Variants in SLC27A4 observed in about 807,000 individuals in gnomAD.
SLC27A4 encodes the protein solute carrier family 27 member 4.
SLC27A4 carries 33 observed loss-of-function variants against 64.4 expected under a neutral mutation model. That is an observed-to-expected ratio of 0.51 (90% CI 0.39 to 0.68). SLC27A4 has a LOEUF of 0.68. Ranked by LOEUF, SLC27A4 falls within the 30% of genes least tolerant of loss-of-function variation. The pLI is 0.00. For synonymous variants in SLC27A4, 377 were observed against 370.0 expected (o/e 1.02, Z -0.22); for missense variants, 824 against 883.5 (o/e 0.93, Z 0.85).
rs374100993 is a variant in SLC27A4 at position 128,343,190 on chromosome 9, C to T, written c.58C>T (p.Leu20=). ...VLLFSKLVLK[L]PWTQVGFSLL... ...GCTGTTCTCCAAGCTGGTGCTGAAACTGCCCTGGACCCAGGTGGGATTCTC... is the reference window on the plus strand; with the variant it reads ...GCTGTTCTCCAAGCTGGTGCTGAAATTGCCCTGGACCCAGGTGGGATTCTC... The change falls in exon 2 of 13, where the codon CTG becomes TTG. Residue 20 remains leucine, a synonymous_variant. Coordinates refer to ENST00000300456, the MANE Select transcript of SLC27A4 (RefSeq NM_005094.4). The T allele has an allele frequency of 2.5e-6, 4 of 1,614,062 alleles. No homozygotes were observed. In the African/African-American group the frequency reaches 5.3e-5, roughly 22 times the overall value.
At chr9:128,349,451 A>G (rs956454024) in intron 4 of SLC27A4, among the ~76,000 whole-genome samples, 1 of 152,158 alleles carries the variant, frequency 6.6e-6, no homozygotes, top group African/African-American at 2.4e-5. Flanking sequence ...AAAAAAATAC[A>G]GTGGGGCCAG....
At chr9:128,355,885 G>A in intron 12 of SLC27A4, 89 bp downstream of exon 12, 2 of 1,561,020 alleles carry the variant, frequency 1.3e-6, no homozygotes. Flanking sequence ...CTTGACCTCT[G>A]CACACAGCCT....
intron 12 of SLC27A4, among the ~76,000 whole-genome samples, chr9:128,358,304 G>A (rs1471088245): frequency 6.6e-6 from 1 of 152,192 alleles, no homozygotes; most frequent in Non-Finnish European, 1.5e-5. Context: ...CGATGGAAAT[G>A]TTCTAGGTTT....
Position 128,340,681 on chromosome 9 carries a change from C to T in SLC27A4, c.-164C>T. On this transcript the variant is annotated 5_prime_UTR_variant, in exon 1 of 13. Transcript: ENST00000300456. ...GGGCGGGGCCGGGCGGCGGGCGGGG[C>T]TGGCGGGGCGGCCGGGCCATGCAGG... 2 of 378,794 alleles carry T rather than the reference C, an allele frequency of 5.3e-6. No individual in the cohort carries two copies. 23.5% of individuals were successfully genotyped at this position (378,794 alleles called of 1,614,324 possible).
rs927782287 is a variant in SLC27A4, at chr9:128,343,441, G to C, written c.161+148G>C. ...GAACAGCAGCCTCTGCTCCACACCC[G>C]TACCCTGGCAATAGTACCTGGTCCC... On this transcript the variant is annotated intron_variant, in intron 2 of 12. Transcript: ENST00000300456. The C allele has an allele frequency of 4.5e-6, 4 of 889,866 alleles. No homozygotes were observed. In the African/African-American group the frequency reaches 6.6e-5, roughly 15 times the overall value. The allele number at this position is 889,866 out of a possible 1,614,324, so 55.1% of individuals were successfully genotyped here. A position where few individuals can be genotyped will look rare whatever the true frequency, so the allele number is the denominator to read the frequency against.
intron 7 of SLC27A4, 96 bp from the exon 8 acceptor site, chr9:128,352,929 A>G (rs192413607): frequency 3.3e-6 from 4 of 1,218,538 alleles, no homozygotes; most frequent in Non-Finnish European, 4.8e-6. Context: ...TGGCATGGCC[A>G]GCCCCTGGGG....
Position 128,345,162 on chromosome 9 carries a change from C to G in SLC27A4, c.169C>G (p.Leu57Val), listed in dbSNP as rs754345934. Residue 57 changes from leucine (L) to valine (V), a missense_variant, in exon 3 of 13, where the codon CTG becomes GTG. Physicochemically the swap from Leu to Val is conservative, Grantham distance 32. Transcript: ENST00000300456. This position sits in a 1 kb window ranked among gnomAD's most constrained non-coding sequence, Gnocchi z 4.1. The stretch of plus-strand genomic sequence containing the variant: ...TCTCTTGTTCACACACAGTGGCGGC[C>G]TGGTCCTCCTGAAGGTGAAGGCAAA... ...KTIRRDIFGG[L>V]VLLKVKAKVR... 6.2e-7 allele frequency: 1 copy of G among 1,613,250 alleles called. No homozygotes were observed. The highest frequency in any genetic ancestry group is 8.5e-7 in the Non-Finnish European group (1 of 1,180,026).
intron 1 of SLC27A4, among the ~76,000 whole-genome samples, chr9:128,341,551 C>T (rs777351712): frequency 1.1e-4 from 16 of 152,184 alleles, no homozygotes; most frequent in Non-Finnish European, 1.9e-4. Flanking sequence ...TGGGCGGTCA[C>T]CTTTCAAGCA....
At chr9:128,360,119 G>C (rs952453132) in intron 12 of SLC27A4, among the ~76,000 whole-genome samples, 1 of 152,200 alleles carries the variant, frequency 6.6e-6, no homozygotes, top group African/African-American at 2.4e-5. Context: ...CAAAGTAGGG[G>C]TGGGTGGGTA....
chr9:128,347,338 A>G (rs1266352365), intron 3 of SLC27A4, among the ~76,000 whole-genome samples: 1 of 152,204 alleles, frequency 6.6e-6, no homozygotes, highest in Non-Finnish European at 1.5e-5. Context: ...AGTAAGTGGT[A>G]GAACTGGGGT....
chr9:128,348,770 GC>G, intron 4 of SLC27A4, 67 bp downstream of exon 4: 1 of 1,532,544 alleles, frequency 6.5e-7, no homozygotes, highest in Non-Finnish European at 9.0e-7. Flanking sequence ...TGGCCTCAGT[GC>G]CAGAAGGAGG....
intron 3 of SLC27A4, among the ~76,000 whole-genome samples, chr9:128,346,442 G>C (rs1832658462): frequency 6.7e-6 from 1 of 149,508 alleles, no homozygotes; most frequent in African/African-American, 2.5e-5. Flanking sequence ...CACCATGTTG[G>C]TCAGGCTGGT....
chr9:128,348,508 T>C, intron 3 of SLC27A4, 37 bp from the exon 4 acceptor site: 2 of 1,611,194 alleles, frequency 1.2e-6, no homozygotes, highest in African/African-American at 1.3e-5. Context: ...ACATGGGGTT[T>C]TCTGGCCTGC....
rs775319745 is a variant in SLC27A4, at chr9:128,348,552, T to C, written c.564T>C (p.Cys188=). The part of the protein sequence containing the change: ...VFGSEMASAI[C]EVHASLDPSL... Reference sequence around the variant, plus strand: ...TGCCCTGTCTCCCCACAGCCATCTGTGAGGTCCATGCCAGCCTGGACCCCT... The same window carrying C: ...TGCCCTGTCTCCCCACAGCCATCTGCGAGGTCCATGCCAGCCTGGACCCCT... Residue 188 remains cysteine, a synonymous_variant, in exon 4 of 13, where the codon TGT becomes TGC. Transcript: ENST00000300456. The C allele has an allele frequency of 6.8e-6, 11 of 1,613,076 alleles. No individual in the cohort carries two copies. The South Asian group carries it at 1.2e-4, about 18-fold the overall frequency.
Position 128,355,468 on chromosome 9 carries a change from G to A in SLC27A4, c.1533G>A (p.Trp511Ter). Residue 511 changes from tryptophan (W) to a stop codon, truncating the protein, a stop_gained, in exon 11 of 13, where the codon TGG (tryptophan) becomes TGA (stop). Coordinates refer to ENST00000300456, the MANE Select transcript of SLC27A4 (RefSeq NM_005094.4). LOFTEE classifies it high-confidence loss of function. Reference sequence around the variant, plus strand: ...ACCGCACTGGGGACACGTTCCGCTGGAAAGGTGAGAACGTGTCCACCACCG... The same window carrying A: ...ACCGCACTGGGGACACGTTCCGCTGAAAAGGTGAGAACGTGTCCACCACCG... ...FRDRTGDTFR[W>*]KGENVSTTEV... The A allele has an allele frequency of 6.2e-7, 1 of 1,612,078 alleles. No individual in the cohort carries two copies. Among genetic ancestry groups the A allele is most frequent in the Non-Finnish European group, 8.5e-7 (1 of 1,178,964 alleles).
At chr9:128,358,882 C>T (rs922556778) in intron 12 of SLC27A4, among the ~76,000 whole-genome samples, 3 of 152,186 alleles carry the variant, frequency 2.0e-5, no homozygotes, top group Non-Finnish European at 2.9e-5. Context: ...CCCCAGGGCA[C>T]CCCCAAGCAG....
intron 12 of SLC27A4, among the ~76,000 whole-genome samples, chr9:128,357,751 C>G (rs1225147481): frequency 1.3e-5 from 2 of 152,212 alleles, no homozygotes; most frequent in Admixed American, 1.3e-4. Flanking sequence ...CTGGGCCCTC[C>G]CTGGCTGCTC....
chr9:128,351,735 A>C (rs985324953), intron 6 of SLC27A4, among the ~76,000 whole-genome samples: 3 of 152,086 alleles, frequency 2.0e-5, no homozygotes, highest in Non-Finnish European at 4.4e-5. Flanking sequence ...TAAATAAATT[A>C]ATTTAATTTA....
intron 12 of SLC27A4, among the ~76,000 whole-genome samples, chr9:128,357,885 G>T (rs1445057476): frequency 1.3e-5 from 2 of 152,202 alleles, no homozygotes; most frequent in African/African-American, 2.4e-5. Context: ...AGTGCCTAAA[G>T]CATCGGGGAG....
Sources: gnomAD v4.1 joint callset for allele counts (sites outside exome capture counted in the v4.1 genomes callset) on GRCh38, gnomAD v4.1.1 for gene constraint, Gnocchi (gnomAD v3.1) non-coding constraint, MANE v1.5 for transcripts, NCBI Gene and HGNC (gene_info 2026-07-23, HGNC 2026-07-21) for gene names.